FUNDC1: variants seen among roughly 807,000 people sequenced by gnomAD.
The protein encoded by FUNDC1 is FUN14 domain-containing protein 1.
Under a neutral mutation model 14.5 loss-of-function variants are expected in FUNDC1, and 10 were observed. The observed-to-expected ratio is 0.69, with a 90% confidence interval of 0.43 to 1.17. The LOEUF is 1.17. Among genes scored for constraint, FUNDC1 ranks in the 50% most tolerant of loss-of-function variants. The probability of loss-of-function intolerance (pLI) is 0.00; values close to 1 mark genes in which losing one functional copy is unlikely to be tolerated. For missense variants in FUNDC1, 115 were observed against 113.8 expected (o/e 1.01, Z -0.05); for synonymous variants, 33 against 39.7 (o/e 0.83, Z 0.64).
At chrX:44,542,454 G>T in intron 1 of FUNDC1, 1 of 378,296 alleles carries the variant, frequency 2.6e-6, no homozygotes, top group Non-Finnish European at 4.5e-6. Context: ...GAGGAATGGG[G>T]GTGGGGAGGG....
intron 3 of FUNDC1, among the ~76,000 whole-genome samples, chrX:44,533,638 A>C (rs1347672977): frequency 9.5e-6 from 1 of 105,584 alleles, no homozygotes; most frequent in African/African-American, 3.5e-5. Context: ...AAAAAAAAAA[A>C]AAAAAAAAAA....
intron 3 of FUNDC1, among the ~76,000 whole-genome samples, chrX:44,531,315 GACACACAC>G (rs766982993): frequency 0.099 from 1,852 of 18,738 alleles, 191 homozygotes; most frequent in East Asian, 0.45. Flanking sequence ...ATGTTGGCCA[GACACACAC>G]ACACACACAC....
At chrX:44,531,194 G>C (rs938578864) in intron 3 of FUNDC1, among the ~76,000 whole-genome samples, 17 of 105,680 alleles carry the variant, frequency 1.6e-4, no homozygotes, top group Non-Finnish European at 3.1e-4. Flanking sequence ...AGTGACCCAT[G>C]GTCACGCCAC....
intron 3 of FUNDC1, among the ~76,000 whole-genome samples, chrX:44,529,076 C>T (rs1246078351): frequency 1.8e-5 from 2 of 111,478 alleles, no homozygotes; most frequent in Non-Finnish European, 1.9e-5. Context: ...TTTTAAGTTA[C>T]AAAGTTTTTT....
intron 3 of FUNDC1, among the ~76,000 whole-genome samples, chrX:44,527,788 T>C (rs1353489603): frequency 8.9e-6 from 1 of 112,127 alleles, no homozygotes; most frequent in African/African-American, 3.2e-5. Flanking sequence ...TTAAAAATAC[T>C]TTTTAATTAA....
At position 44,524,008 on chromosome X, in the gene FUNDC1, G is replaced by C; in HGVS notation, c.*190C>G. 2.4e-6 allele frequency: 1 copy of C among 424,309 alleles called. No homozygotes were observed. 35.0% of individuals were successfully genotyped at this position (424,309 alleles called of 1,213,427 possible). On this transcript the variant is annotated 3_prime_UTR_variant, in exon 5 of 5. Transcript: ENST00000378045. ...AATACTACGGTTCACATACCATATA[G>C]GTTGTTTTACAGCAGATACTAGTTT...
chrX:44,542,688 TAA>T, intron 1 of FUNDC1, 115 bp downstream of exon 1: 6 of 649,374 alleles, frequency 9.2e-6, no homozygotes, highest in East Asian at 4.6e-5. Flanking sequence ...GGGGCTGCCT[TAA>T]AAAAAAAATG....
intron 3 of FUNDC1, among the ~76,000 whole-genome samples, chrX:44,535,756 CG>C (rs1471078949): frequency 9.4e-6 from 1 of 106,300 alleles, no homozygotes; most frequent in African/African-American, 3.5e-5. Context: ...GAGGCCAAGG[CG>C]GGTGGATCGC....
At chrX:44,530,174 C>G (rs2038916733) in intron 3 of FUNDC1, among the ~76,000 whole-genome samples, 1 of 112,287 alleles carries the variant, frequency 8.9e-6, no homozygotes, top group Non-Finnish European at 1.9e-5. Context: ...TGCAAGCCAA[C>G]AGACTGGGGA....
intron 3 of FUNDC1, among the ~76,000 whole-genome samples, chrX:44,530,713 C>G (rs1286369271): frequency 1.8e-5 from 2 of 110,689 alleles, no homozygotes; most frequent in African/African-American, 3.3e-5. Context: ...GCCAGGAGTT[C>G]GAGATCAGCC....
chrX:44,540,418 G>GTGTGTA (rs1364435763), intron 2 of FUNDC1, among the ~76,000 whole-genome samples: 8 of 107,231 alleles, frequency 7.5e-5, no homozygotes, highest in East Asian at 5.9e-4. Context: ...TGTGTGTTGT[G>GTGTGTA]TGTGTGTGTG....
rs775712401 is a variant in FUNDC1 at position 44,528,821 on chromosome X, C to T, written c.262-1456G>A. Among the ~76,000 whole-genome samples the T allele has an allele frequency of 8.0e-5, 9 of 112,140 alleles. No homozygotes were observed. In the South Asian group the frequency reaches 3.3e-3, roughly 41 times the overall value. ...ATGCCATTCTCCTGTCTCAGCCTCCCGAGTAGCTGGGACTACAGGCACTTG... is the reference window on the plus strand; with the variant it reads ...ATGCCATTCTCCTGTCTCAGCCTCCTGAGTAGCTGGGACTACAGGCACTTG... On this transcript the variant is annotated intron_variant, in intron 3 of 4. Transcript: ENST00000378045.
chrX:44,529,107 C>G (rs1308919992), intron 3 of FUNDC1, among the ~76,000 whole-genome samples: 1 of 111,132 alleles, frequency 9.0e-6, no homozygotes, highest in African/African-American at 3.3e-5. Flanking sequence ...AATCTTCATG[C>G]CATGAGTTAA....
At chrX:44,541,850 C>A (rs2038973181) in intron 2 of FUNDC1, 95 bp downstream of exon 2, 1 of 757,264 alleles carries the variant, frequency 1.3e-6, no homozygotes, top group East Asian at 3.4e-5. Context: ...ACAGTGTAGA[C>A]CTACTGCCTG....
chrX:44,536,777 T>C (rs979403370), intron 3 of FUNDC1, among the ~76,000 whole-genome samples: 2 of 111,729 alleles, frequency 1.8e-5, no homozygotes, highest in Non-Finnish European at 3.8e-5. Flanking sequence ...ATTACTCTAA[T>C]CTGTAACAAG....
chrX:44,526,132 A>T (rs868834223), intron 4 of FUNDC1, among the ~76,000 whole-genome samples: 1 of 102,703 alleles, frequency 9.7e-6, no homozygotes, highest in Non-Finnish European at 2.0e-5. Flanking sequence ...AAAAAAAAAA[A>T]ACAAAAAAAA....
intron 3 of FUNDC1, among the ~76,000 whole-genome samples, chrX:44,537,216 G>A (rs1260190070): frequency 8.9e-6 from 1 of 111,943 alleles, no homozygotes; most frequent in East Asian, 2.8e-4. Flanking sequence ...GGTGCATATT[G>A]AGTGAACTGA....
intron 3 of FUNDC1, among the ~76,000 whole-genome samples, chrX:44,529,072 G>A (rs747683512): frequency 2.1e-4 from 23 of 111,539 alleles, no homozygotes; most frequent in African/African-American, 6.8e-4. Flanking sequence ...AACATTTTAA[G>A]TTACAAAGTT....
rs1005406216 is a variant in FUNDC1, at chrX:44,532,983, T to C, written c.261+5484A>G. On this transcript the variant is annotated intron_variant, in intron 3 of 4. Transcript: ENST00000378045. ...GAACATTCTGTGTAGATGCTAAGAATTGCTTGTAGGACAGACTATTTGGAT... is the reference window on the plus strand; with the variant it reads ...GAACATTCTGTGTAGATGCTAAGAACTGCTTGTAGGACAGACTATTTGGAT... Among the ~76,000 whole-genome samples, 5 of 111,802 alleles carry C rather than the reference T, an allele frequency of 4.5e-5. No homozygotes were observed. The East Asian group carries it at 8.4e-4, about 19-fold the overall frequency.
Sources: gnomAD v4.1 joint callset for allele counts (sites outside exome capture counted in the v4.1 genomes callset) on GRCh38, gnomAD v4.1.1 for gene constraint, MANE v1.5 for transcripts, NCBI Gene and HGNC (gene_info 2026-07-23, HGNC 2026-07-21) for gene names.